Variants in CHAT observed in about 807,000 individuals in gnomAD.
CHAT encodes acetyl CoA:choline O-acetyltransferase.
A neutral mutation model predicts 76.9 loss-of-function variants in CHAT; 61 were observed. The ratio of observed to expected loss-of-function variants is 0.79; its 90% CI spans 0.65 to 0.98. The LOEUF (loss-of-function observed/expected upper bound fraction) is 0.98. Among genes scored for constraint, CHAT ranks in the 50% least tolerant of loss-of-function variants. The pLI is 0.00. For missense variants in CHAT, 946 were observed against 986.9 expected (o/e 0.96, Z 0.56); for synonymous variants, 407 against 397.4 (o/e 1.02, Z -0.29).
Position 49,625,673 on chromosome 10 carries a change from G to A in CHAT, c.933+20G>A, listed in dbSNP as rs1464697245. Reference sequence around the variant, plus strand: ...AATCAGGTAAGCAACCCCTTGTCTTGGTGAGGGAGGGCACAGAGCATACAG... The same window carrying A: ...AATCAGGTAAGCAACCCCTTGTCTTAGTGAGGGAGGGCACAGAGCATACAG... On this transcript the variant is annotated intron_variant, in intron 6 of 14. Transcript: ENST00000337653. The A allele has an allele frequency of 6.4e-7, 1 of 1,555,170 alleles. No individual in the cohort carries two copies. The highest frequency in any genetic ancestry group is 2.4e-5 in the East Asian group (1 of 41,448).
At position 49,616,505 on chromosome 10, in the gene CHAT, C is replaced by T. The variant is rs1458700373; in HGVS notation, c.290C>T (p.Pro97Leu). ...AEAAEPRRAG[P>L]HLCIPAPGLT... ...CTTCCCACTTCTTGGTCCCCAGGTCCACACCTCTGCATCCCTGCACCAGGA... is the reference window on the plus strand; with the variant it reads ...CTTCCCACTTCTTGGTCCCCAGGTCTACACCTCTGCATCCCTGCACCAGGA... The change falls in exon 2 of 15, where the codon CCA becomes CTA. Residue 97 changes from proline to leucine, a missense_variant. Physicochemically the swap from Pro to Leu is moderately conservative, Grantham distance 98. Coordinates refer to ENST00000337653, the MANE Select transcript of CHAT (RefSeq NM_020549.5). The T allele has an allele frequency of 6.2e-7, 1 of 1,611,144 alleles. No individual in the cohort carries two copies. Among genetic ancestry groups the T allele is most frequent in the Non-Finnish European group, 8.5e-7 (1 of 1,178,484 alleles).
chr10:49,640,958 A>G (rs187722305), intron 7 of CHAT, among the ~76,000 whole-genome samples: 3 of 152,370 alleles, frequency 2.0e-5, no homozygotes, highest in Non-Finnish European at 4.4e-5. Context: ...CCCACAGTGT[A>G]TTAGTCTGTA....
intron 2 of CHAT, among the ~76,000 whole-genome samples, chr10:49,617,070 C>T (rs975063719): frequency 2.0e-5 from 3 of 152,136 alleles, no homozygotes; most frequent in African/African-American, 7.2e-5. Context: ...CAGGCATCCT[C>T]CCTCCCGCCC....
upstream of CHAT, chr10:49,610,409 CTT>C: frequency 3.4e-6 from 1 of 291,632 alleles, no homozygotes; most frequent in Non-Finnish European, 6.4e-6. Context: ...CGGGCGGCCT[CTT>C]AGCGCGGCGG....
At chr10:49,616,014 C>T (rs754875460) in intron 1 of CHAT, 4 of 1,611,188 alleles carry the variant, frequency 2.5e-6, no homozygotes, top group Non-Finnish European at 3.4e-6. Flanking sequence ...TTTCCCTCCA[C>T]CAACGGAGTG....
intron 7 of CHAT, among the ~76,000 whole-genome samples, chr10:49,641,751 A>AG (rs1340308897): frequency 2.0e-5 from 3 of 152,172 alleles, no homozygotes; most frequent in Non-Finnish European, 4.4e-5. Flanking sequence ...GACTGTGAGA[A>AG]GGGGGATGGG....
rs371905802 is a variant in CHAT at position 49,627,748 on chromosome 10, G to A, written c.1074G>A (p.Arg358=). The A allele has an allele frequency of 4.5e-5, 72 of 1,613,910 alleles. No homozygotes were observed. Among genetic ancestry groups the A allele is most frequent in the Middle Eastern group, 3.3e-4 (2 of 6,076 alleles). Residue 358 remains arginine (R), a synonymous_variant, in exon 7 of 15, where the codon AGG becomes AGA. Coordinates refer to ENST00000337653, the MANE Select transcript of CHAT (RefSeq NM_020549.5). ...TTGGCCTGCTGACGTCTGACGGGAG[G>A]AGCGAGTGGGCCGAGGCCAGGACGG... ...PPIGLLTSDG[R]SEWAEARTVL...
At chr10:49,660,557 C>A (rs1359769988) in intron 13 of CHAT, among the ~76,000 whole-genome samples, 1 of 151,968 alleles carries the variant, frequency 6.6e-6, no homozygotes, top group Admixed American at 6.6e-5. Flanking sequence ...AAAGTATATA[C>A]CCAAAAGAAA....
chr10:49,641,291 G>A (rs1052456993), intron 7 of CHAT, among the ~76,000 whole-genome samples: 1 of 152,218 alleles, frequency 6.6e-6, no homozygotes, highest in African/African-American at 2.4e-5. Flanking sequence ...AATACCCAGA[G>A]AATCTGCTGC....
intron 7 of CHAT, among the ~76,000 whole-genome samples, chr10:49,633,956 G>A (rs558491223): frequency 1.1e-4 from 17 of 152,174 alleles, no homozygotes; most frequent in Non-Finnish European, 2.1e-4. Context: ...CTCAGGATGG[G>A]GGCATTTTGC....
In CHAT at chr10:49,646,290, G is replaced by A. The variant is rs1839658968; in HGVS notation, c.1112-215G>A. ...GCTCCTGCAGGGACCGTGCGAATGAGCTGGGATCCTGGGGTAGGACAGAGG... is the reference window on the plus strand; with the variant it reads ...GCTCCTGCAGGGACCGTGCGAATGAACTGGGATCCTGGGGTAGGACAGAGG... On this transcript the variant is annotated intron_variant, in intron 7 of 14. Coordinates refer to ENST00000337653, the MANE Select transcript of CHAT (RefSeq NM_020549.5). Among the ~76,000 whole-genome samples the A allele has an allele frequency of 2.0e-5, 3 of 152,348 alleles. 1 individual carries two copies. The highest frequency in any genetic ancestry group is 6.8e-3 in the Middle Eastern group (2 of 294).
intron 10 of CHAT, among the ~76,000 whole-genome samples, chr10:49,651,378 G>A (rs554102498): frequency 6.6e-6 from 1 of 151,982 alleles, no homozygotes; most frequent in African/African-American, 2.4e-5. Flanking sequence ...CTCAGGCTAT[G>A]CGCTCTCCAG....
At chr10:49,644,196 T>C (rs1839583117) in intron 7 of CHAT, among the ~76,000 whole-genome samples, 2 of 152,140 alleles carry the variant, frequency 1.3e-5, no homozygotes, top group Admixed American at 1.3e-4. Flanking sequence ...AGAAGGGCCT[T>C]GTCCTGGGCA....
At chr10:49,652,590 C>T (rs892558549) in intron 11 of CHAT, among the ~76,000 whole-genome samples, 8 of 152,230 alleles carry the variant, frequency 5.3e-5, no homozygotes, top group African/African-American at 1.9e-4. Context: ...GCAGCACTTC[C>T]CTAGGGTCAC....
At chr10:49,615,660 G>A in intron 1 of CHAT, 1 of 257,892 alleles carries the variant, frequency 3.9e-6, no homozygotes, top group South Asian at 9.4e-5. Context: ...TTAGGTTCAG[G>A]GGGATCTCAG....
chr10:49,625,022 G>A (rs1326974872), intron 5 of CHAT, among the ~76,000 whole-genome samples: 1 of 152,076 alleles, frequency 6.6e-6, no homozygotes, highest in Non-Finnish European at 1.5e-5. Flanking sequence ...AGAAAGGAAG[G>A]ATAGGCACAA....
At chr10:49,643,136 G>A (rs139946793) in intron 7 of CHAT, among the ~76,000 whole-genome samples, 1 of 152,356 alleles carries the variant, frequency 6.6e-6, no homozygotes, top group African/African-American at 2.4e-5. Context: ...ACCTGTAAAT[G>A]AGGCATGACA....
intron 10 of CHAT, among the ~76,000 whole-genome samples, chr10:49,651,346 G>A (rs556804685): frequency 6.6e-6 from 1 of 152,018 alleles, no homozygotes; most frequent in South Asian, 2.1e-4. Context: ...CAGAAGGTGT[G>A]CGTGTGGGCT....
chr10:49,619,055 A>G (rs557024192), intron 2 of CHAT, among the ~76,000 whole-genome samples: 153 of 152,220 alleles, frequency 1.0e-3, no homozygotes, highest in African/African-American at 3.5e-3. Flanking sequence ...AGTAGGAGGG[A>G]CTTATAAGAA....
Sources: allele counts gnomAD v4.1 joint callset (sites outside exome capture counted in the v4.1 genomes callset), GRCh38; gene constraint gnomAD v4.1.1; transcripts MANE v1.5; gene names NCBI Gene and HGNC (gene_info 2026-07-23, HGNC 2026-07-21).